The following KIFAP3 variants were observed in gnomAD, a reference collection of about 807,000 sequenced individuals.
The protein encoded by KIFAP3 is kinesin associated protein 3, also known as kinesin-associated protein 3.
Under a neutral mutation model 106.5 loss-of-function variants are expected in KIFAP3, and 68 were observed. That is an observed-to-expected ratio of 0.64 (90% CI 0.53 to 0.78). The LOEUF is 0.78. Among genes scored for constraint, KIFAP3 ranks in the 30% least tolerant of loss-of-function variants. KIFAP3 has a pLI of 0.00. For missense variants in KIFAP3, 780 were observed against 941.8 expected (o/e 0.83, Z 2.25); for synonymous variants, 320 against 311.5 (o/e 1.03, Z -0.29).
upstream of KIFAP3, among the ~76,000 whole-genome samples, chr1:170,077,648 T>A (rs2102191120): frequency 6.6e-6 from 1 of 152,346 alleles, no homozygotes; most frequent in East Asian, 1.9e-4. Flanking sequence ...GTCATATAAT[T>A]ACCTGCACAA....
chr1:170,034,019 G>A (rs183669446), intron 7 of KIFAP3, among the ~76,000 whole-genome samples: 13 of 151,832 alleles, frequency 8.6e-5, no homozygotes, highest in African/African-American at 2.9e-4. Context: ...TACTCACACA[G>A]AAGTATATAA....
chr1:170,045,647 C>T (rs1248663225), intron 3 of KIFAP3, among the ~76,000 whole-genome samples: 1 of 152,150 alleles, frequency 6.6e-6, no homozygotes. Context: ...TTAGTCTTGT[C>T]TATTACTTTT....
chr1:170,016,396 G>T, intron 10 of KIFAP3, 66 bp downstream of exon 10: 1 of 1,296,550 alleles, frequency 7.7e-7, no homozygotes, highest in South Asian at 1.3e-5. Flanking sequence ...TTTCAACACA[G>T]AGCTCAATTT....
chr1:170,046,912 T>C, intron 2 of KIFAP3, 46 bp from the exon 3 acceptor site: 3 of 1,208,496 alleles, frequency 2.5e-6, no homozygotes, highest in East Asian at 2.6e-5. Context: ...ATAAAAGTAA[T>C]AACTTCAATA....
chr1:170,067,804 A>C (rs1487939833), intron 1 of KIFAP3: 3 of 152,254 alleles, frequency 2.0e-5, no homozygotes, highest in African/African-American at 7.2e-5. Context: ...GTCAAACAAA[A>C]CACAAGCTGA....
chr1:170,001,136 A>T (rs2101960283), intron 10 of KIFAP3, among the ~76,000 whole-genome samples: 1 of 152,172 alleles, frequency 6.6e-6, no homozygotes, highest in East Asian at 1.9e-4. Context: ...CAATTATTTT[A>T]TTATGTCTTC....
In KIFAP3 at chr1:170,083,706, C is replaced by T. The variant is rs115137406; in HGVS notation, n.174+1329G>A. 6.5e-3 allele frequency among the ~76,000 whole-genome samples: 995 copies of T among 152,178 alleles called. 11 individuals are homozygous for T. Among genetic ancestry groups the T allele is most frequent in the African/African-American group, 0.023 (948 of 41,510 alleles). ...CCTACCTACCATTTATTAATTACCA[C>T]CTGCCATTTATTAATCATATGACTA... On this transcript the variant is annotated intron_variant and non_coding_transcript_variant, in intron 1 of 5. Transcript: ENST00000490550.
At chr1:169,955,193 T>C (rs1200907071) in intron 18 of KIFAP3, among the ~76,000 whole-genome samples, 1 of 152,268 alleles carries the variant, frequency 6.6e-6, no homozygotes, top group South Asian at 2.1e-4. Flanking sequence ...TGTTTATACA[T>C]TTGGCACACA....
intron 18 of KIFAP3, among the ~76,000 whole-genome samples, chr1:169,959,939 A>G (rs374523588): frequency 6.6e-6 from 1 of 152,154 alleles, no homozygotes; most frequent in Admixed American, 6.5e-5. Context: ...TAACTACTGT[A>G]AAGTTCAGTT....
intron 9 of KIFAP3, among the ~76,000 whole-genome samples, chr1:170,018,630 T>C (rs1192076305): frequency 2.6e-5 from 4 of 152,208 alleles, no homozygotes; most frequent in East Asian, 1.9e-4. Context: ...TTATGATTAA[T>C]CTTGCTCTAC....
chr1:169,939,415 G>A (rs1330558991), intron 19 of KIFAP3, among the ~76,000 whole-genome samples: 1 of 152,160 alleles, frequency 6.6e-6, no homozygotes. Flanking sequence ...AGAAGATTAA[G>A]GGAGGAACCT....
intron 19 of KIFAP3, among the ~76,000 whole-genome samples, chr1:169,931,909 T>A (rs1663507737): frequency 6.6e-6 from 1 of 152,218 alleles, no homozygotes; most frequent in African/African-American, 2.4e-5. Context: ...TTGAGACTCT[T>A]TAAAATATGA....
intron 10 of KIFAP3, among the ~76,000 whole-genome samples, chr1:170,003,822 C>A (rs1010271587): frequency 6.6e-6 from 1 of 152,194 alleles, no homozygotes; most frequent in African/African-American, 2.4e-5. Flanking sequence ...CCCTCTCTTA[C>A]CACTCCAATT....
intron 10 of KIFAP3, among the ~76,000 whole-genome samples, chr1:169,998,975 C>T (rs1390325682): frequency 6.6e-6 from 1 of 152,112 alleles, no homozygotes; most frequent in African/African-American, 2.4e-5. Flanking sequence ...AGATGTCTGG[C>T]AATAACCTGA....
chr1:169,999,961 A>C (rs1420374694), intron 10 of KIFAP3, among the ~76,000 whole-genome samples: 5 of 152,116 alleles, frequency 3.3e-5, no homozygotes, highest in Non-Finnish European at 7.4e-5. Flanking sequence ...AAAAACTATC[A>C]GCTCTCTGGG....
chr1:169,998,391 T>TAC (rs1427178014), intron 10 of KIFAP3, among the ~76,000 whole-genome samples: 9 of 131,988 alleles, frequency 6.8e-5, no homozygotes, highest in South Asian at 2.4e-4. Context: ...GATATATATA[T>TAC]ATATATATAC....
chr1:170,007,525 A>G (rs915155871), intron 10 of KIFAP3, among the ~76,000 whole-genome samples: 3 of 152,114 alleles, frequency 2.0e-5, no homozygotes, highest in African/African-American at 7.2e-5. Flanking sequence ...TACAATTGCT[A>G]CGAAGAGAAT....
chr1:169,936,240 A>G (rs1663792246), intron 19 of KIFAP3, among the ~76,000 whole-genome samples: 1 of 151,862 alleles, frequency 6.6e-6, no homozygotes, highest in South Asian at 2.1e-4. Context: ...TGTAAAATGA[A>G]AAGTCAGTTT....
chr1:170,028,867 C>A (rs1010981852), intron 8 of KIFAP3, among the ~76,000 whole-genome samples: 5 of 151,638 alleles, frequency 3.3e-5, no homozygotes, highest in Non-Finnish European at 7.4e-5. Flanking sequence ...AGACTTATAG[C>A]TAAGCTAACA....
Sources: allele counts gnomAD v4.1 joint callset (sites outside exome capture counted in the v4.1 genomes callset), GRCh38; gene constraint gnomAD v4.1.1; transcripts MANE v1.5; gene names NCBI Gene and HGNC (gene_info 2026-07-23, HGNC 2026-07-21).